CCSER1: variants seen among roughly 807,000 people sequenced by gnomAD.
CCSER1 encodes the protein serine-rich coiled-coil domain-containing protein 1.
In CCSER1, 41 loss-of-function variants were observed where a neutral mutation model predicts 82.0. That is an observed-to-expected ratio of 0.50 (90% CI 0.39 to 0.65). The LOEUF is 0.65. Among genes scored for constraint, CCSER1 ranks in the 30% least tolerant of loss-of-function variants. The probability of loss-of-function intolerance (pLI) is 0.00; values close to 1 mark genes in which losing one functional copy is unlikely to be tolerated. For synonymous variants in CCSER1, 414 were observed against 383.9 expected (o/e 1.08, Z -0.92); for missense variants, 1,119 against 1,064.2 (o/e 1.05, Z -0.72).
chr4:91,596,887 G>A (rs1396047953), intron 10 of CCSER1, among the ~76,000 whole-genome samples: 2 of 151,782 alleles, frequency 1.3e-5, no homozygotes, highest in Admixed American at 1.3e-4. Context: ...AAGGAAAGAT[G>A]ACATCACAGA....
At chr4:90,814,881 T>C (rs1477773347) in intron 7 of CCSER1, among the ~76,000 whole-genome samples, 1 of 152,166 alleles carries the variant, frequency 6.6e-6, no homozygotes, top group Admixed American at 6.5e-5. Flanking sequence ...TCTCACATCT[T>C]CCTGTCTTCT....
At chr4:91,494,886 G>A (rs1758722820) in intron 10 of CCSER1, among the ~76,000 whole-genome samples, 1 of 151,608 alleles carries the variant, frequency 6.6e-6, no homozygotes, top group South Asian at 2.1e-4. Flanking sequence ...TTTATTTTAT[G>A]TCATTAATTT....
chr4:91,511,493 AGGGGGTCCCTAAAC>A (rs1200330442), intron 10 of CCSER1, among the ~76,000 whole-genome samples: 5 of 129,268 alleles, frequency 3.9e-5, no homozygotes, highest in African/African-American at 1.5e-4. Context: ...CATGTATAAC[AGGGGGTCCCTAAAC>A]CCTGGGCCAT....
chr4:91,219,188 A>T (rs1158708866), intron 10 of CCSER1, among the ~76,000 whole-genome samples: 2 of 152,104 alleles, frequency 1.3e-5, no homozygotes, highest in Admixed American at 1.3e-4. Flanking sequence ...CACATCTCAA[A>T]ATTCATTTTC....
In CCSER1 at chr4:90,432,764, A is replaced by G. The variant is rs1047719723; in HGVS notation, c.1603+32635A>G. Among the ~76,000 whole-genome samples the G allele has an allele frequency of 3.3e-5, 5 of 152,170 alleles. No individual in the cohort carries two copies. In the South Asian group the frequency reaches 1.0e-3, roughly 31 times the overall value. ...GTCACCCTGCTGGGCTTAAATAATAAGACAGTTCTAAGCATTATTTTCAAC... is the reference window on the plus strand; with the variant it reads ...GTCACCCTGCTGGGCTTAAATAATAGGACAGTTCTAAGCATTATTTTCAAC... On this transcript the variant is annotated intron_variant, in intron 4 of 10. Coordinates refer to ENST00000509176, the MANE Select transcript of CCSER1 (RefSeq NM_001145065.2).
intron 8 of CCSER1, among the ~76,000 whole-genome samples, chr4:90,844,115 G>GTA (rs34765356): frequency 0.079 from 11,779 of 149,804 alleles, 509 homozygotes; most frequent in East Asian, 0.11. Context: ...GTGTGTGTAT[G>GTA]TATATATATA....
intron 10 of CCSER1, among the ~76,000 whole-genome samples, chr4:91,348,771 A>T (rs1164047504): frequency 6.6e-6 from 1 of 152,122 alleles, no homozygotes; most frequent in East Asian, 1.9e-4. Flanking sequence ...AATCCTTTTA[A>T]CATCCAGTGG....
In CCSER1 at chr4:91,402,931, G is replaced by C. The variant is rs565806741; in HGVS notation, c.2218-195641G>C. 2.6e-5 allele frequency among the ~76,000 whole-genome samples: 4 copies of C among 152,294 alleles called. No homozygotes were observed. In the South Asian group the frequency reaches 6.2e-4, roughly 24 times the overall value. On this transcript the variant is annotated intron_variant, in intron 10 of 10. Transcript: ENST00000509176. The stretch of plus-strand genomic sequence containing the variant: ...AAGTAGTTTTTTCCAATTCTGTGAA[G>C]AAAGTCATTGGTAGCTTGATGCGGA...
chr4:91,144,004 A>G (rs949064974), intron 10 of CCSER1, among the ~76,000 whole-genome samples: 1 of 151,972 alleles, frequency 6.6e-6, no homozygotes, highest in African/African-American at 2.4e-5. Context: ...TGTGTTAGAG[A>G]TAAGTCCCTC....
chr4:90,990,921 A>G (rs1736976426), intron 9 of CCSER1, among the ~76,000 whole-genome samples: 1 of 152,058 alleles, frequency 6.6e-6, no homozygotes, highest in African/African-American at 2.4e-5. Flanking sequence ...TATTTTCATG[A>G]TTTAACTACC....
chr4:91,306,045 C>G (rs1745046445), intron 10 of CCSER1, among the ~76,000 whole-genome samples: 1 of 136,612 alleles, frequency 7.3e-6, no homozygotes. Context: ...CACAACCAAA[C>G]CATATCAGTG....
intron 1 of CCSER1, among the ~76,000 whole-genome samples, chr4:90,134,237 AATT>A (rs1723281793): frequency 6.6e-6 from 1 of 152,186 alleles, no homozygotes; most frequent in Non-Finnish European, 1.5e-5. Context: ...ATGATGCAAA[AATT>A]ATGAAACTCA....
intron 4 of CCSER1, among the ~76,000 whole-genome samples, chr4:90,454,523 C>G (rs1761925868): frequency 6.6e-6 from 1 of 152,118 alleles, no homozygotes; most frequent in African/African-American, 2.4e-5. Flanking sequence ...AATTAAGAGG[C>G]TTAGTTCTAG....
intron 1 of CCSER1, among the ~76,000 whole-genome samples, chr4:90,253,590 A>G (rs74585756): frequency 0.045 from 6,801 of 152,014 alleles, 388 homozygotes; most frequent in African/African-American, 0.13. Flanking sequence ...GTGACAAACC[A>G]TTTTTCTCTT....
At chr4:90,545,797 A>G (rs917725474) in intron 5 of CCSER1, among the ~76,000 whole-genome samples, 1 of 152,148 alleles carries the variant, frequency 6.6e-6, no homozygotes, top group Admixed American at 6.6e-5. Context: ...ACTTTTTCAA[A>G]CTATTTTCCC....
chr4:91,322,051 A>G (rs958097449), intron 10 of CCSER1, among the ~76,000 whole-genome samples: 1 of 152,102 alleles, frequency 6.6e-6, no homozygotes, highest in African/African-American at 2.4e-5. Context: ...CTGAATGAAT[A>G]TCGGATGAAT....
intron 8 of CCSER1, among the ~76,000 whole-genome samples, chr4:90,822,902 T>C (rs1405365529): frequency 4.6e-5 from 7 of 152,234 alleles, no homozygotes; most frequent in African/African-American, 9.6e-5. Flanking sequence ...AAAATACTTA[T>C]TATGTTTTCT....
At chr4:90,310,423 A>G (rs764735664) in intron 2 of CCSER1, among the ~76,000 whole-genome samples, 1 of 152,044 alleles carries the variant, frequency 6.6e-6, no homozygotes, top group Non-Finnish European at 1.5e-5. Flanking sequence ...TACTGCTACT[A>G]ATAATTTTCC....
At chr4:90,706,098 A>T in intron 6 of CCSER1, among the ~76,000 whole-genome samples, 1 of 152,128 alleles carries the variant, frequency 6.6e-6, no homozygotes, top group East Asian at 1.9e-4. Flanking sequence ...AGCTGTTCCT[A>T]TTCAGCCATC....
Sources: gnomAD v4.1 joint callset for allele counts (sites outside exome capture counted in the v4.1 genomes callset) on GRCh38, gnomAD v4.1.1 for gene constraint, MANE v1.5 for transcripts, NCBI Gene and HGNC (gene_info 2026-07-23, HGNC 2026-07-21) for gene names.